The following SLC35F4 variants were observed in gnomAD, a reference collection of about 807,000 sequenced individuals.
SLC35F4 encodes the protein chromosome 14 open reading frame 36.
SLC35F4 carries 24 observed loss-of-function variants against 44.2 expected under a neutral mutation model. The observed-to-expected ratio is 0.54, with a 90% CI of 0.39 to 0.76. The LOEUF (loss-of-function observed/expected upper bound fraction) is 0.76, where lower values mean the gene tolerates loss of function less well. Ranked by LOEUF, SLC35F4 falls within the 30% of genes least tolerant of loss-of-function variation. The probability of loss-of-function intolerance (pLI) is 0.00; values close to 1 mark genes in which losing one functional copy is unlikely to be tolerated. For synonymous variants in SLC35F4, 238 were observed against 223.6 expected (o/e 1.06, Z -0.57); for missense variants, 562 against 586.1 (o/e 0.96, Z 0.42).
At chr14:57,949,804 C>T (rs1396356768) in intron 1 of SLC35F4, among the ~76,000 whole-genome samples, 2 of 152,102 alleles carry the variant, frequency 1.3e-5, no homozygotes, top group African/African-American at 4.8e-5. Flanking sequence ...TTGCTGAATA[C>T]AAAATTCTAG....
chr14:57,858,290 T>A (rs138787634), intron 1 of SLC35F4, among the ~76,000 whole-genome samples: 5 of 151,978 alleles, frequency 3.3e-5, no homozygotes, highest in African/African-American at 9.7e-5. Context: ...CAAATGTCCA[T>A]AAATGATAGA....
chr14:57,888,086 G>A (rs767675384), intron 1 of SLC35F4, among the ~76,000 whole-genome samples: 5 of 152,078 alleles, frequency 3.3e-5, no homozygotes, highest in Admixed American at 6.6e-5. Flanking sequence ...GACCCACTCT[G>A]CTTCATTAAC....
chr14:57,635,257 A>C (rs2072969587), intron 1 of SLC35F4, among the ~76,000 whole-genome samples: 1 of 151,932 alleles, frequency 6.6e-6, no homozygotes. Context: ...AAAAAAAAAA[A>C]AAAAACCCCA....
chr14:57,803,582 C>CTTTT (rs532690276), intron 1 of SLC35F4, among the ~76,000 whole-genome samples: 161 of 79,432 alleles, frequency 2.0e-3, no homozygotes, highest in Non-Finnish European at 3.0e-3. Flanking sequence ...AAAGCTTCTT[C>CTTTT]TTTTTTTTTT....
chr14:57,586,060 C>T (rs1190309), intron 3 of SLC35F4, among the ~76,000 whole-genome samples: 9 of 152,090 alleles, frequency 5.9e-5, no homozygotes, highest in African/African-American at 1.4e-4. Flanking sequence ...AGGCATCACA[C>T]GACCTGACAT....
chr14:57,905,616 G>C (rs146652885), intron 1 of SLC35F4, among the ~76,000 whole-genome samples: 454 of 152,316 alleles, frequency 3.0e-3, no homozygotes, highest in Non-Finnish European at 5.0e-3. Flanking sequence ...GAACCTTAGA[G>C]TACTTTTAGC....
At chr14:57,582,596 G>A (rs568966240) in intron 3 of SLC35F4, among the ~76,000 whole-genome samples, 6 of 152,294 alleles carry the variant, frequency 3.9e-5, no homozygotes, top group African/African-American at 1.4e-4. Context: ...ACTATGGACT[G>A]AAGACAGACT....
Position 57,865,814 on chromosome 14 carries a change from C to T in SLC35F4, c.12G>A (p.Lys4=). The change falls in exon 1 of 8, where the codon AAG becomes AAA. Residue 4 remains lysine, a synonymous_variant. Coordinates refer to ENST00000556826, the MANE Select transcript of SLC35F4 (RefSeq NM_001306087.2). ...TAGTGGCCACCCCGTTGGGGGCCGCCTTGACATCCATAGAGAGCGCGGGGC... is the reference window on the plus strand; with the variant it reads ...TAGTGGCCACCCCGTTGGGGGCCGCTTTGACATCCATAGAGAGCGCGGGGC... MDV[K]AAPNGVATIE... is the part of the protein sequence containing the mutation. 6.6e-7 allele frequency: 1 copy of T among 1,519,078 alleles called. No homozygotes were observed. Among genetic ancestry groups the T allele is most frequent in the Non-Finnish European group, 8.8e-7 (1 of 1,139,986 alleles). The allele number at this position is 1,519,078 out of a possible 1,614,324, so 94.1% of individuals were successfully genotyped here.
chr14:57,679,311 G>T (rs1010186961), intron 1 of SLC35F4, among the ~76,000 whole-genome samples: 1 of 152,004 alleles, frequency 6.6e-6, no homozygotes, highest in Non-Finnish European at 1.5e-5. Context: ...AAATAAATAA[G>T]TTCTTTGAAA....
At chr14:57,898,610 C>T (rs1042970510) in intron 1 of SLC35F4, among the ~76,000 whole-genome samples, 1 of 152,176 alleles carries the variant, frequency 6.6e-6, no homozygotes, top group Admixed American at 6.5e-5. Flanking sequence ...AGTGAGGCAA[C>T]AAGCACTTAA....
chr14:57,576,333 C>T (rs1006560243), intron 4 of SLC35F4, among the ~76,000 whole-genome samples: 1 of 152,132 alleles, frequency 6.6e-6, no homozygotes, highest in Non-Finnish European at 1.5e-5. Flanking sequence ...CACAAATGAA[C>T]CCTTGAATTC....
chr14:57,699,866 A>G (rs1566775667), intron 1 of SLC35F4, among the ~76,000 whole-genome samples: 2 of 152,190 alleles, frequency 1.3e-5, no homozygotes, highest in African/African-American at 4.8e-5. Context: ...AAATTCCAAG[A>G]TTAACTTTCC....
intron 1 of SLC35F4, among the ~76,000 whole-genome samples, chr14:57,671,552 GC>G (rs2074523533): frequency 6.6e-6 from 1 of 151,994 alleles, no homozygotes; most frequent in African/African-American, 2.4e-5. Context: ...TAACTGAAGA[GC>G]CCTTGGGCCC....
intron 7 of SLC35F4, among the ~76,000 whole-genome samples, chr14:57,565,059 A>C (rs2068136438): frequency 6.6e-6 from 1 of 152,196 alleles, no homozygotes; most frequent in Non-Finnish European, 1.5e-5. Context: ...ATGTTGTAGC[A>C]CGTGTCAGCA....
At chr14:57,728,735 T>C (rs1161227028) in intron 1 of SLC35F4, among the ~76,000 whole-genome samples, 1 of 152,132 alleles carries the variant, frequency 6.6e-6, no homozygotes, top group Non-Finnish European at 1.5e-5. Flanking sequence ...AGTGCTGGGA[T>C]TACACGCATG....
chr14:57,779,813 A>G (rs765931065), intron 1 of SLC35F4, among the ~76,000 whole-genome samples: 23 of 152,202 alleles, frequency 1.5e-4, no homozygotes, highest in Admixed American at 1.4e-3. Flanking sequence ...CATTGCATAA[A>G]CAGAACTAAA....
At chr14:57,672,914 T>A (rs1405257948) in intron 1 of SLC35F4, among the ~76,000 whole-genome samples, 1 of 152,030 alleles carries the variant, frequency 6.6e-6, no homozygotes, top group Non-Finnish European at 1.5e-5. Flanking sequence ...TTTGTTTTTT[T>A]GCACAGTGTC....
chr14:57,678,005 T>C (rs2074757797), intron 1 of SLC35F4, among the ~76,000 whole-genome samples: 2 of 151,932 alleles, frequency 1.3e-5, no homozygotes, highest in Non-Finnish European at 2.9e-5. Flanking sequence ...CATATTCAAA[T>C]TCAGGAAATA....
At chr14:57,827,505 T>A (rs890593265) in intron 1 of SLC35F4, among the ~76,000 whole-genome samples, 1 of 152,206 alleles carries the variant, frequency 6.6e-6, no homozygotes, top group African/African-American at 2.4e-5. Context: ...TCCTGGAACT[T>A]AAAATAATAT....
Sources: gnomAD v4.1 joint callset for allele counts (sites outside exome capture counted in the v4.1 genomes callset) on GRCh38, gnomAD v4.1.1 for gene constraint, MANE v1.5 for transcripts, NCBI Gene and HGNC (gene_info 2026-07-23, HGNC 2026-07-21) for gene names.